Variants in ERP44 observed in about 807,000 individuals in gnomAD.
ERP44 encodes the protein endoplasmic reticulum resident protein 44.
A neutral mutation model predicts 53.4 loss-of-function variants in ERP44; 25 were observed. The ratio of observed to expected loss-of-function variants is 0.47; its 90% CI spans 0.34 to 0.65. The LOEUF (loss-of-function observed/expected upper bound fraction) is 0.65. ERP44 is among the 30% of genes least tolerant of loss of function. ERP44 has a pLI of 0.01. For synonymous variants in ERP44, 145 were observed against 161.2 expected (o/e 0.90, Z 0.76); for missense variants, 338 against 493.2 (o/e 0.69, Z 2.98).
chr9:100,038,657 A>G (rs1360065250), intron 4 of ERP44, among the ~76,000 whole-genome samples: 1 of 152,168 alleles, frequency 6.6e-6, no homozygotes. Context: ...CAATAATAAC[A>G]CTGAATATAA....
chr9:100,011,670 A>G (rs916702889), intron 8 of ERP44, among the ~76,000 whole-genome samples: 11 of 152,340 alleles, frequency 7.2e-5, no homozygotes, highest in Non-Finnish European at 1.3e-4. Flanking sequence ...AACTACATAT[A>G]AAACAACTAC....
chr9:100,023,400 TAA>T (rs1477870459), intron 4 of ERP44, among the ~76,000 whole-genome samples: 1 of 121,168 alleles, frequency 8.3e-6, no homozygotes. Context: ...TGAGAAATCA[TAA>T]AAAAAAAAAA....
intron 4 of ERP44, among the ~76,000 whole-genome samples, chr9:100,025,743 T>C (rs1830644008): frequency 6.6e-6 from 1 of 152,176 alleles, no homozygotes; most frequent in South Asian, 2.1e-4. Context: ...AGATGCCTGC[T>C]ATCACTTCTA....
intron 8 of ERP44, among the ~76,000 whole-genome samples, chr9:100,014,198 C>T (rs1037580491): frequency 5.9e-5 from 9 of 152,206 alleles, no homozygotes; most frequent in African/African-American, 1.2e-4. Context: ...CAGGGATTGG[C>T]AAATTATAGC....
chr9:100,097,390 T>C (rs1224012504), intron 1 of ERP44, among the ~76,000 whole-genome samples: 1 of 152,136 alleles, frequency 6.6e-6, no homozygotes, highest in Non-Finnish European at 1.5e-5. Flanking sequence ...ACACAATTCA[T>C]AACTCAAGCC....
chr9:100,056,564 C>A (rs1207702875), intron 3 of ERP44, among the ~76,000 whole-genome samples: 1 of 152,128 alleles, frequency 6.6e-6, no homozygotes, highest in East Asian at 1.9e-4. Flanking sequence ...TGGGTGTTAC[C>A]GGAAATAACA....
chr9:99,992,501 T>C (rs1195438383), intron 10 of ERP44, among the ~76,000 whole-genome samples: 1 of 152,202 alleles, frequency 6.6e-6, no homozygotes, highest in East Asian at 1.9e-4. Context: ...AAACTAGGTA[T>C]TGATGGAACG....
rs960432867 is a variant in ERP44, at chr9:100,067,634, G to A, written c.58-7462C>T. 7.2e-5 allele frequency among the ~76,000 whole-genome samples: 11 copies of A among 152,180 alleles called. No homozygotes were observed. The East Asian group carries it at 1.2e-3, about 16-fold the overall frequency. ...CCACCCCGTCTGGGAAGTGAGGAGC[G>A]TCTCTGCCTGGCCGCCCATCGTCTG... On this transcript the variant is annotated intron_variant, in intron 1 of 11. Transcript: ENST00000262455.
At chr9:99,989,823 C>T (rs769359965) in intron 10 of ERP44, among the ~76,000 whole-genome samples, 1 of 152,160 alleles carries the variant, frequency 6.6e-6, no homozygotes, top group Non-Finnish European at 1.5e-5. Flanking sequence ...GTAGAGAAGA[C>T]TTTAAATGAC....
chr9:99,995,650 C>G lies in ERP44; in HGVS notation c.1017-10581G>C, dbSNP rs529008239. ...TTTCTGTGCTTGGCTTCTTATTCCA[C>G]TTAACATACTGTTCACTCCTAGTTC... On this transcript the variant is annotated intron_variant, in intron 10 of 11. Coordinates refer to ENST00000262455, the MANE Select transcript of ERP44 (RefSeq NM_015051.3). Among the ~76,000 whole-genome samples the G allele has an allele frequency of 2.0e-5, 3 of 152,292 alleles. No homozygotes were observed. In the South Asian group the frequency reaches 6.2e-4, roughly 32 times the overall value.
chr9:100,017,900 G>T (rs1312688599), intron 7 of ERP44, among the ~76,000 whole-genome samples: 2 of 152,094 alleles, frequency 1.3e-5, no homozygotes, highest in Admixed American at 1.3e-4. Flanking sequence ...AGTACAATAC[G>T]GGTAGAAGTG....
chr9:100,007,724 C>A (rs1459936464), intron 8 of ERP44, 35 bp from the exon 9 acceptor site: 1 of 1,098,022 alleles, frequency 9.1e-7, no homozygotes, highest in African/African-American at 1.5e-5. Context: ...AATTATCAGG[C>A]TTCTCCATTC....
At chr9:99,991,156 C>G (rs1830250003) in intron 10 of ERP44, among the ~76,000 whole-genome samples, 1 of 152,168 alleles carries the variant, frequency 6.6e-6, no homozygotes, top group South Asian at 2.1e-4. Flanking sequence ...CAGCTCCACA[C>G]CAAGCTGACC....
chr9:99,996,170 T>C (rs1229170176), intron 10 of ERP44, among the ~76,000 whole-genome samples: 1 of 152,106 alleles, frequency 6.6e-6, no homozygotes, highest in Non-Finnish European at 1.5e-5. Flanking sequence ...ATGAGAGGTA[T>C]TTGGGTCACG....
chr9:100,060,596 A>T (rs1826135420), intron 1 of ERP44, among the ~76,000 whole-genome samples: 1 of 152,240 alleles, frequency 6.6e-6, no homozygotes. Context: ...AAAATAATGA[A>T]GAATGCAAGA....
intron 1 of ERP44, among the ~76,000 whole-genome samples, chr9:100,085,277 AAAGC>A (rs1162379499): frequency 6.6e-6 from 1 of 152,210 alleles, no homozygotes; most frequent in African/African-American, 2.4e-5. Context: ...TGAGATCAGA[AAAGC>A]AAGACCATAT....
At chr9:100,014,570 T>G (rs1830510625) in intron 8 of ERP44, among the ~76,000 whole-genome samples, 1 of 152,252 alleles carries the variant, frequency 6.6e-6, no homozygotes, top group African/African-American at 2.4e-5. Context: ...ATTACAGGCG[T>G]GAGCCATGGC....
At chr9:100,049,152 G>C (rs146914126) in intron 4 of ERP44, among the ~76,000 whole-genome samples, 1 of 152,156 alleles carries the variant, frequency 6.6e-6, no homozygotes, top group East Asian at 1.9e-4. Context: ...GCTCATGCTT[G>C]TAATCCCAGC....
Position 99,982,278 on chromosome 9 carries a change from C to T in ERP44, c.*334G>A, listed in dbSNP as rs182648517. ...AGCACATACGACACAGGAAACATCC[C>T]TAAGTCCTCCCTACCCTAGTAGTGC... On this transcript the variant is annotated 3_prime_UTR_variant, in exon 12 of 12. Coordinates refer to ENST00000262455, the MANE Select transcript of ERP44 (RefSeq NM_015051.3). 1.5e-4 allele frequency: 24 copies of T among 157,410 alleles called. 1 individual carries two copies. Among genetic ancestry groups the T allele is most frequent in the Admixed American group, 1.4e-3 (21 of 15,488 alleles). 9.8% of individuals were successfully genotyped at this position (157,410 alleles called of 1,614,324 possible).
Sources: gnomAD v4.1 joint callset for allele counts (sites outside exome capture counted in the v4.1 genomes callset) on GRCh38, gnomAD v4.1.1 for gene constraint, MANE v1.5 for transcripts, NCBI Gene and HGNC (gene_info 2026-07-23, HGNC 2026-07-21) for gene names.